KLHL22: variants seen among roughly 807,000 people sequenced by gnomAD.
KLHL22 encodes kelch-like protein 22.
Under a neutral mutation model 60.7 loss-of-function variants are expected in KLHL22, and 18 were observed. The observed-to-expected ratio is 0.30, with a 90% CI of 0.20 to 0.44. The LOEUF (loss-of-function observed/expected upper bound fraction) is 0.44, where lower values mean the gene tolerates loss of function less well. KLHL22 is among the 20% of genes least tolerant of loss of function. KLHL22 has a pLI of 1.00. For synonymous variants in KLHL22, 355 were observed against 354.5 expected, an observed-to-expected ratio of 1.00 and a Z score of -0.01; for missense variants, 596 against 852.3, an observed-to-expected ratio of 0.70 and a Z score of 3.74.
intron 6 of KLHL22, among the ~76,000 whole-genome samples, chr22:20,444,846 A>C (rs2052830303): frequency 6.7e-6 from 1 of 149,526 alleles, no homozygotes; most frequent in African/African-American, 2.5e-5. Flanking sequence ...GTGCAGTGGC[A>C]CCATCACGGT....
At chr22:20,453,603 T>C (rs1483423448) in intron 5 of KLHL22, among the ~76,000 whole-genome samples, 1 of 152,226 alleles carries the variant, frequency 6.6e-6, no homozygotes, top group Non-Finnish European at 1.5e-5. Context: ...CTTATCGTTC[T>C]TTTTCAAAAT....
chr22:20,473,331 G>A (rs1490373844), intron 2 of KLHL22, among the ~76,000 whole-genome samples: 1 of 152,086 alleles, frequency 6.6e-6, no homozygotes, highest in African/African-American at 2.4e-5. Flanking sequence ...CCCTCTGCTG[G>A]GCCGAAGAGG....
Position 20,446,438 on chromosome 22 carries a change from C to G in KLHL22, c.1539+5G>C, listed in dbSNP as rs1400734447. ...CGGGTGTGGACTGCCCCGGGCCCCA[C>G]TCACCTGGTGCACGTCCCTCCTGTA... is the stretch of plus-strand genomic sequence containing the variant. On this transcript the variant is annotated splice_donor_5th_base_variant and intron_variant, in intron 6 of 6. Transcript: ENST00000328879. 6.3e-7 allele frequency: 1 copy of G among 1,578,080 alleles called. No individual in the cohort carries two copies. The highest frequency in any genetic ancestry group is 1.3e-5 in the African/African-American group (1 of 74,398).
At chr22:20,464,181 G>A (rs141182097) in intron 4 of KLHL22, among the ~76,000 whole-genome samples, 8 of 152,176 alleles carry the variant, frequency 5.3e-5, no homozygotes, top group Admixed American at 1.3e-4. Flanking sequence ...GGAGCCAGGC[G>A]CATCCTACGG....
chr22:20,456,497 C>T (rs2053064741), intron 5 of KLHL22: 1 of 152,260 alleles, frequency 6.6e-6, no homozygotes, highest in African/African-American at 2.4e-5. Context: ...TGCTAAGCCC[C>T]TCCCACAACA....
chr22:20,469,146 A>T (rs1319288496), intron 3 of KLHL22, among the ~76,000 whole-genome samples: 1 of 152,176 alleles, frequency 6.6e-6, no homozygotes, highest in East Asian at 1.9e-4. Flanking sequence ...AGTGTGTGTG[A>T]TCACTGCAGG....
At chr22:20,477,109 G>T (rs777693438) in intron 2 of KLHL22, among the ~76,000 whole-genome samples, 30 of 151,800 alleles carry the variant, frequency 2.0e-4, no homozygotes, top group Non-Finnish European at 3.4e-4. Context: ...ATTAGACTGG[G>T]CAGCCAGGCA....
At chr22:20,489,739 T>C (rs1022797237) in intron 1 of KLHL22, 39 of 471,078 alleles carry the variant, frequency 8.3e-5, no homozygotes, top group Non-Finnish European at 1.5e-4. Context: ...TTCTTCCTCA[T>C]AGTAATGGAT....
At chr22:20,483,457 T>G (rs1488984776) in intron 2 of KLHL22, 1 of 764,888 alleles carries the variant, frequency 1.3e-6, no homozygotes, top group Admixed American at 1.7e-5. Flanking sequence ...TTCCTCTTCA[T>G]GGTTCTTCTT....
chr22:20,447,597 C>G (rs1194485090), intron 5 of KLHL22, among the ~76,000 whole-genome samples: 2 of 145,476 alleles, frequency 1.4e-5, no homozygotes, highest in East Asian at 4.3e-4. Context: ...GGCCGGAGTG[C>G]AGTGGCACGA....
At position 20,488,974 on chromosome 22, in the gene KLHL22, A is replaced by G; in HGVS notation, c.227+11T>C. 2 of 1,612,004 alleles carry G rather than the reference A, an allele frequency of 1.2e-6. No homozygotes were observed. The highest frequency in any genetic ancestry group is 1.7e-6 in the Non-Finnish European group (2 of 1,178,744). ...TGTTATTCTTCTTACAAACAGCTCTAGTGAACTCACCTGAAGTAATCGCAG... is the reference window on the plus strand; with the variant it reads ...TGTTATTCTTCTTACAAACAGCTCTGGTGAACTCACCTGAAGTAATCGCAG... On this transcript the variant is annotated intron_variant, in intron 2 of 6. Transcript: ENST00000328879.
At chr22:20,445,792 C>T (rs939572455) in intron 6 of KLHL22, among the ~76,000 whole-genome samples, 1 of 152,082 alleles carries the variant, frequency 6.6e-6, no homozygotes, top group African/African-American at 2.4e-5. Context: ...GAGACAAGGC[C>T]TGGCTCTGTC....
chr22:20,457,132 G>A (rs143501238), intron 5 of KLHL22, among the ~76,000 whole-genome samples: 13 of 152,202 alleles, frequency 8.5e-5, no homozygotes, highest in Non-Finnish European at 1.9e-4. Flanking sequence ...CCCATGTCTG[G>A]TTGTTACACC....
intron 5 of KLHL22, among the ~76,000 whole-genome samples, chr22:20,455,917 T>G (rs527584348): frequency 7.9e-5 from 12 of 152,332 alleles, no homozygotes; most frequent in African/African-American, 2.9e-4. Context: ...AGGTTTCCCA[T>G]GCCAGTTGGG....
intron 5 of KLHL22, among the ~76,000 whole-genome samples, chr22:20,453,275 T>C (rs1311247813): frequency 6.6e-6 from 1 of 152,130 alleles, no homozygotes; most frequent in African/African-American, 2.4e-5. Context: ...TTTCTAGAAG[T>C]TTTATGGTTT....
intron 6 of KLHL22, 94 bp from the exon 7 acceptor site, chr22:20,442,532 C>T: frequency 7.0e-7 from 1 of 1,435,132 alleles, no homozygotes; most frequent in South Asian, 1.4e-5. Flanking sequence ...CAACAGTTAC[C>T]CACCATTCTG....
rs12160939 is a variant in KLHL22, at chr22:20,454,894, G to A, written c.1305+2914C>T. 3.0e-3 allele frequency among the ~76,000 whole-genome samples: 453 copies of A among 151,978 alleles called. 4 individuals carry two copies. The highest frequency in any genetic ancestry group is 0.01 in the African/African-American group (432 of 41,422). On this transcript the variant is annotated intron_variant, in intron 5 of 6. Transcript: ENST00000328879. Reference sequence around the variant, plus strand: ...GTTTTTTGTTTGTTTGTTTTGAGACGGAGTCTTGGCAGAGTCTTGCTCTGT... The same window carrying A: ...GTTTTTTGTTTGTTTGTTTTGAGACAGAGTCTTGGCAGAGTCTTGCTCTGT...
At chr22:20,483,064 C>T in intron 2 of KLHL22, 1 of 663,148 alleles carries the variant, frequency 1.5e-6, no homozygotes. Flanking sequence ...TTTGTGCCAC[C>T]TCTGACTCCA....
Position 20,465,375 on chromosome 22 carries a change from G to T in KLHL22, c.595C>A (p.Leu199Ile). 1 of 1,614,150 alleles carries T rather than the reference G, an allele frequency of 6.2e-7. No individual in the cohort carries two copies. The highest frequency in any genetic ancestry group is 8.5e-7 in the Non-Finnish European group (1 of 1,180,002). The change falls in exon 4 of 7, where the codon CTC (leucine) becomes ATC (isoleucine). Residue 199 changes from leucine (L) to isoleucine (I), a missense_variant. Physicochemically the swap from Leu to Ile is conservative, Grantham distance 5 (BLOSUM62 2). Coordinates refer to ENST00000328879, the MANE Select transcript of KLHL22 (RefSeq NM_032775.4). The surrounding 1 kb of genome is among the most constrained non-coding windows in gnomAD (Gnocchi z 4.9). ...RQLPLEKVYS[L>I]LSSNRLEVSC... ...ACCTCCAGGCGATTGCTGCTGAGGA[G>T]GGAGTAGACCTTCTCCAATGGAAGC...
Sources: allele counts gnomAD v4.1 joint callset (sites outside exome capture counted in the v4.1 genomes callset), GRCh38; gene constraint gnomAD v4.1.1; non-coding constraint Gnocchi (gnomAD v3.1); transcripts MANE v1.5; gene names NCBI Gene and HGNC (gene_info 2026-07-23, HGNC 2026-07-21).